The following ARHGAP10 variants were observed in gnomAD, a reference collection of about 807,000 sequenced individuals.
ARHGAP10 encodes the protein rho GTPase-activating protein 10.
In ARHGAP10, 87 loss-of-function variants were observed where a neutral mutation model predicts 108.6. The ratio of observed to expected loss-of-function variants is 0.80; its 90% CI spans 0.67 to 0.96. ARHGAP10 has a LOEUF of 0.96. ARHGAP10 is among the 40% of genes least tolerant of loss of function. The probability of loss-of-function intolerance (pLI) is 0.00; values close to 1 mark genes in which losing one functional copy is unlikely to be tolerated. For synonymous variants in ARHGAP10, 347 were observed against 341.1 expected, an observed-to-expected ratio of 1.02 and a Z score of -0.19; for missense variants, 939 against 954.5, an observed-to-expected ratio of 0.98 and a Z score of 0.21.
At chr4:147,842,149 G>C (rs960455888) in intron 3 of ARHGAP10, among the ~76,000 whole-genome samples, 2 of 152,068 alleles carry the variant, frequency 1.3e-5, no homozygotes, top group African/African-American at 4.8e-5. Flanking sequence ...TTGACCAGCT[G>C]GTCTCAAACT....
At chr4:147,783,540 G>A (rs1579039848) in intron 1 of ARHGAP10, among the ~76,000 whole-genome samples, 3 of 143,170 alleles carry the variant, frequency 2.1e-5, no homozygotes, top group African/African-American at 5.2e-5. Flanking sequence ...ATTATGTATT[G>A]TATAATTTAT....
intron 10 of ARHGAP10, among the ~76,000 whole-genome samples, chr4:147,889,983 T>G (rs1341223307): frequency 6.6e-6 from 1 of 152,208 alleles, no homozygotes; most frequent in East Asian, 1.9e-4. Flanking sequence ...TCGAGCATAG[T>G]TTACTTTTAT....
intron 10 of ARHGAP10, among the ~76,000 whole-genome samples, chr4:147,894,131 T>C (rs960056899): frequency 1.3e-3 from 24 of 18,086 alleles, no homozygotes; most frequent in African/African-American, 1.7e-3. Context: ...TAATCTTGCA[T>C]AAATACTTTG....
chr4:147,902,254 A>G (rs1477160948), intron 10 of ARHGAP10, among the ~76,000 whole-genome samples: 11 of 152,106 alleles, frequency 7.2e-5, no homozygotes, highest in Admixed American at 7.2e-4. Context: ...ACTCTTGCCT[A>G]TCTTCAGTCC....
chr4:147,865,912 C>T (rs1315553529), intron 6 of ARHGAP10: 1 of 152,172 alleles, frequency 6.6e-6, no homozygotes, highest in Non-Finnish European at 1.5e-5. Flanking sequence ...AGCCATTGTT[C>T]TAAGTGTTGT....
At chr4:147,963,279 C>G (rs1739071872) in intron 16 of ARHGAP10, among the ~76,000 whole-genome samples, 1 of 152,154 alleles carries the variant, frequency 6.6e-6, no homozygotes, top group Non-Finnish European at 1.5e-5. Flanking sequence ...GTTCCCCTTG[C>G]CCCTCAGTCC....
At chr4:148,008,768 T>G (rs1048475744) in intron 18 of ARHGAP10, among the ~76,000 whole-genome samples, 1 of 152,098 alleles carries the variant, frequency 6.6e-6, no homozygotes, top group Non-Finnish European at 1.5e-5. Context: ...GTGAGAGCTA[T>G]TTTTCTGATA....
intron 10 of ARHGAP10, among the ~76,000 whole-genome samples, chr4:147,882,324 G>A (rs891773468): frequency 5.3e-5 from 8 of 152,178 alleles, no homozygotes; most frequent in East Asian, 1.9e-4. Flanking sequence ...TTAGCCAGGC[G>A]TGGTGGCATA....
chr4:147,806,833 C>T (rs1731806862), intron 1 of ARHGAP10, among the ~76,000 whole-genome samples: 1 of 152,128 alleles, frequency 6.6e-6, no homozygotes, highest in Non-Finnish European at 1.5e-5. Context: ...TCCTGAGTAG[C>T]TGGGACCACA....
chr4:147,906,331 C>T (rs1252434785), intron 10 of ARHGAP10, among the ~76,000 whole-genome samples: 1 of 152,166 alleles, frequency 6.6e-6, no homozygotes, highest in Non-Finnish European at 1.5e-5. Flanking sequence ...GTGGTATATA[C>T]ACACACAATG....
intron 21 of ARHGAP10, 107 bp from the exon 22 acceptor site, chr4:148,064,309 C>T: frequency 1.3e-6 from 1 of 791,602 alleles, no homozygotes; most frequent in Non-Finnish European, 2.0e-6. Flanking sequence ...GGAGGAGTTG[C>T]CCTACTGGTG....
intron 3 of ARHGAP10, among the ~76,000 whole-genome samples, chr4:147,841,560 CACTT>C (rs1466305801): frequency 6.6e-6 from 1 of 152,142 alleles, no homozygotes; most frequent in Middle Eastern, 3.2e-3. Flanking sequence ...ACATCAGTAA[CACTT>C]ACTACTAACA....
chr4:147,852,534 G>T (rs1733911038), intron 4 of ARHGAP10, among the ~76,000 whole-genome samples: 1 of 152,102 alleles, frequency 6.6e-6, no homozygotes, highest in Non-Finnish European at 1.5e-5. Context: ...AGTTAAGGGA[G>T]GGTGTGCCTT....
chr4:148,062,257 C>T (rs1729654130), intron 20 of ARHGAP10, among the ~76,000 whole-genome samples: 1 of 152,148 alleles, frequency 6.6e-6, no homozygotes, highest in Admixed American at 6.5e-5. Flanking sequence ...TGCTAGTTCT[C>T]CGGCAGGGGA....
chr4:148,025,011 C>A (rs749175726), intron 19 of ARHGAP10, among the ~76,000 whole-genome samples: 7 of 152,166 alleles, frequency 4.6e-5, no homozygotes, highest in African/African-American at 7.2e-5. Context: ...AGGATCACGT[C>A]TACTATTTTG....
intron 12 of ARHGAP10, among the ~76,000 whole-genome samples, chr4:147,910,987 C>G (rs1228124689): frequency 6.6e-6 from 1 of 151,998 alleles, no homozygotes; most frequent in Non-Finnish European, 1.5e-5. Flanking sequence ...CTTCTGACAC[C>G]TTTTCTTCCT....
At chr4:148,040,167 G>T (rs1728569034) in intron 19 of ARHGAP10, among the ~76,000 whole-genome samples, 1 of 152,154 alleles carries the variant, frequency 6.6e-6, no homozygotes, top group South Asian at 2.1e-4. Context: ...TTGTCCTTGG[G>T]ATAGGCCAAA....
At chr4:147,961,866 C>A (rs1560847214) in intron 16 of ARHGAP10, among the ~76,000 whole-genome samples, 1 of 152,138 alleles carries the variant, frequency 6.6e-6, no homozygotes, top group Non-Finnish European at 1.5e-5. Context: ...CATCGTACCT[C>A]CCTGGTCCTC....
rs948616941 is a variant in ARHGAP10 at position 147,983,331 on chromosome 4, G to A, written c.1716+16492G>A. On this transcript the variant is annotated intron_variant, in intron 18 of 22. Coordinates refer to ENST00000336498, the MANE Select transcript of ARHGAP10 (RefSeq NM_024605.4). ...CTCCCGAGTAGCTGGGACTACAGGC[G>A]CCCGCCACCACGCCCAGCTAATTTT... Among the ~76,000 whole-genome samples the A allele has an allele frequency of 7.9e-5, 12 of 151,670 alleles. No individual in the cohort carries two copies. In the East Asian group the frequency reaches 1.4e-3, roughly 17 times the overall value.
Sources: allele counts gnomAD v4.1 joint callset (sites outside exome capture counted in the v4.1 genomes callset), GRCh38; gene constraint gnomAD v4.1.1; transcripts MANE v1.5; gene names NCBI Gene and HGNC (gene_info 2026-07-23, HGNC 2026-07-21).